The following SLCO3A1 variants were observed in gnomAD, a reference collection of about 807,000 sequenced individuals.
SLCO3A1 encodes the protein solute carrier organic anion transporter family member 3A1, also known as PGE1 transporter.
SLCO3A1 carries 27 observed loss-of-function variants against 63.1 expected under a neutral mutation model. The ratio of observed to expected loss-of-function variants is 0.43; its 90% CI spans 0.32 to 0.59. The LOEUF (loss-of-function observed/expected upper bound fraction) is 0.59. Among genes scored for constraint, SLCO3A1 ranks in the 20% least tolerant of loss-of-function variants. The pLI is 0.09. For synonymous variants in SLCO3A1, 473 were observed against 409.9 expected, an observed-to-expected ratio of 1.15 and a Z score of -1.86; for missense variants, 773 against 945.8, an observed-to-expected ratio of 0.82 and a Z score of 2.40.
rs138073930 is a variant in SLCO3A1 at position 92,040,489 on chromosome 15, T to A, written c.647-54392T>A. Among the ~76,000 whole-genome samples the A allele has an allele frequency of 2.1e-4, 32 of 152,302 alleles. No individual in the cohort carries two copies. The East Asian group carries it at 5.8e-3, about 28-fold the overall frequency. The stretch of plus-strand genomic sequence containing the variant: ...TCCCAGTGTGAAATGAGAGCAATCA[T>A]GTTATCTTCCCCAAGTTCCAGGCCC... On this transcript the variant is annotated intron_variant, in intron 2 of 9. Transcript: ENST00000318445.
intron 2 of SLCO3A1, among the ~76,000 whole-genome samples, chr15:91,987,950 A>G (rs2046075730): frequency 6.6e-6 from 1 of 152,072 alleles, no homozygotes; most frequent in African/African-American, 2.4e-5. Flanking sequence ...TTTGCCGGCA[A>G]AGGATTAAGG....
In SLCO3A1 at chr15:91,916,706, G is replaced by A. The variant is rs1002846159; in HGVS notation, c.646+248G>A. The stretch of plus-strand genomic sequence containing the variant: ...GGGCTAGACCACTAACACCGCTTCA[G>A]TGGGAAAACATGATCGGGAGGAGTT... On this transcript the variant is annotated intron_variant, in intron 2 of 9. Coordinates refer to ENST00000318445, the MANE Select transcript of SLCO3A1 (RefSeq NM_013272.4). This position sits in a 1 kb window ranked among gnomAD's most constrained non-coding sequence, Gnocchi z 6.2. Among the ~76,000 whole-genome samples, 2 of 152,238 alleles carry A rather than the reference G, an allele frequency of 1.3e-5. No individual in the cohort carries two copies. The highest frequency in any genetic ancestry group is 2.9e-5 in the Non-Finnish European group (2 of 68,040).
rs574004198 is a variant in SLCO3A1 at position 92,165,545 on chromosome 15, T to C, written c.*2410T>C. 1.6e-5 allele frequency: 16 copies of C among 984,222 alleles called. No homozygotes were observed. In the South Asian group the frequency reaches 7.5e-4, roughly 46 times the overall value. 61.0% of individuals were successfully genotyped at this position (984,222 alleles called of 1,614,324 possible). ...TTTTTTAAACTCTTTGCATTTTGGA[T>C]TTTTTTTCCTAAGATTTTAGGATGA... is the stretch of plus-strand genomic sequence containing the variant. On this transcript the variant is annotated 3_prime_UTR_variant, in exon 10 of 10. Transcript: ENST00000318445.
intron 2 of SLCO3A1, among the ~76,000 whole-genome samples, chr15:92,069,764 A>C (rs1036518721): frequency 6.6e-6 from 1 of 152,106 alleles, no homozygotes; most frequent in Admixed American, 6.5e-5. Context: ...TGCTGGGGAA[A>C]ATGATGAATG....
At chr15:91,887,349 A>G (rs1285294898) in intron 1 of SLCO3A1, among the ~76,000 whole-genome samples, 5 of 151,968 alleles carry the variant, frequency 3.3e-5, no homozygotes, top group African/African-American at 4.8e-5. Context: ...TGCCTGCCCA[A>G]TTCCTGCAAC....
chr15:92,150,141 C>G (rs745631186), intron 8 of SLCO3A1, among the ~76,000 whole-genome samples: 1 of 152,110 alleles, frequency 6.6e-6, no homozygotes, highest in Non-Finnish European at 1.5e-5. Flanking sequence ...AACTGAAGAA[C>G]TAGGAGTCCA....
chr15:92,164,536 G>T lies in SLCO3A1; in HGVS notation c.*1401G>T. The T allele has an allele frequency of 2.0e-6, 2 of 985,396 alleles. No homozygotes were observed. Among genetic ancestry groups the T allele is most frequent in the Non-Finnish European group, 1.2e-6 (1 of 829,934 alleles). 61.0% of individuals were successfully genotyped at this position (985,396 alleles called of 1,614,324 possible). ...AGGAGACACTCTTAGATGTGGGTTT[G>T]TGTGTATGGGTGCAACACTTCCGGG... is the stretch of plus-strand genomic sequence containing the variant. On this transcript the variant is annotated 3_prime_UTR_variant, in exon 10 of 10. Coordinates refer to ENST00000318445, the MANE Select transcript of SLCO3A1 (RefSeq NM_013272.4).
intron 1 of SLCO3A1, among the ~76,000 whole-genome samples, chr15:91,905,626 GTT>G (rs76429156): frequency 1.2e-4 from 13 of 112,524 alleles, no homozygotes; most frequent in East Asian, 7.2e-4. Flanking sequence ...GGGATGCTTA[GTT>G]TTTTGTTTTT....
intron 2 of SLCO3A1, among the ~76,000 whole-genome samples, chr15:91,985,294 A>G (rs954149244): frequency 9.9e-5 from 15 of 152,272 alleles, no homozygotes; most frequent in Admixed American, 5.2e-4. Context: ...ATGTTGTCAC[A>G]TGTAGTTGTA....
In SLCO3A1 at chr15:91,900,199, AC is replaced by A. The variant is rs1898116240; in HGVS notation, c.181-15793del. 6.6e-6 allele frequency among the ~76,000 whole-genome samples: 1 copy of A among 152,232 alleles called. No homozygotes were observed. On this transcript the variant is annotated intron_variant, in intron 1 of 9. Transcript: ENST00000318445. The surrounding 1 kb of genome is among the most constrained non-coding windows in gnomAD (Gnocchi z 4.3). ...GGGTCATGTGGTAAATTTATGCTTA[AC>A]TTTTTAAGAAGCTGTTCAACTGCTT...
At chr15:92,117,903 C>T (rs568706323) in intron 4 of SLCO3A1, among the ~76,000 whole-genome samples, 1 of 152,320 alleles carries the variant, frequency 6.6e-6, no homozygotes, top group Admixed American at 6.5e-5. Flanking sequence ...GTCAGGATTA[C>T]TCTAAATATT....
intron 2 of SLCO3A1, among the ~76,000 whole-genome samples, chr15:92,004,144 A>G (rs1273222126): frequency 6.6e-6 from 1 of 152,146 alleles, no homozygotes; most frequent in African/African-American, 2.4e-5. Context: ...CAGCTTTAAC[A>G]TGCTCCAGTC....
intron 2 of SLCO3A1, among the ~76,000 whole-genome samples, chr15:91,935,438 G>A (rs1899377028): frequency 6.6e-6 from 1 of 152,170 alleles, no homozygotes; most frequent in Non-Finnish European, 1.5e-5. Context: ...CAGGACCTGG[G>A]CTAGAGAAGA....
chr15:92,053,671 G>GT (rs149910611), intron 2 of SLCO3A1, among the ~76,000 whole-genome samples: 1 of 54,232 alleles, frequency 1.8e-5, no homozygotes, highest in African/African-American at 5.6e-5. Context: ...GTGATTTTAT[G>GT]TTTTGTTTTT....
At chr15:92,131,080 A>G (rs2047989688) in intron 7 of SLCO3A1, among the ~76,000 whole-genome samples, 1 of 152,006 alleles carries the variant, frequency 6.6e-6, no homozygotes, top group Non-Finnish European at 1.5e-5. Context: ...CCCTTGGGAA[A>G]TAGGTGTTCT....
chr15:92,147,274 C>A, intron 8 of SLCO3A1, 115 bp downstream of exon 8: 1 of 1,041,574 alleles, frequency 9.6e-7, no homozygotes. Context: ...TGAGCTAGGG[C>A]CACAGCAAGG....
chr15:91,909,968 T>C (rs1351116459), intron 1 of SLCO3A1, among the ~76,000 whole-genome samples: 2 of 152,304 alleles, frequency 1.3e-5, no homozygotes, highest in East Asian at 1.9e-4. Context: ...TGCACAGCAG[T>C]GCCAGGTTAA....
intron 2 of SLCO3A1, among the ~76,000 whole-genome samples, chr15:91,981,609 G>A (rs1017645687): frequency 6.6e-6 from 1 of 152,120 alleles, no homozygotes; most frequent in Middle Eastern, 3.2e-3. Flanking sequence ...ATCTAAACAA[G>A]GATTTTTTCG....
chr15:92,079,184 G>A (rs572669480), intron 2 of SLCO3A1, among the ~76,000 whole-genome samples: 42 of 152,296 alleles, frequency 2.8e-4, no homozygotes, highest in Non-Finnish European at 4.4e-5. Flanking sequence ...TGGGATGGCT[G>A]CATTCACGTT....
Sources: gnomAD v4.1 joint callset for allele counts (sites outside exome capture counted in the v4.1 genomes callset) on GRCh38, gnomAD v4.1.1 for gene constraint, Gnocchi (gnomAD v3.1) non-coding constraint, MANE v1.5 for transcripts, NCBI Gene and HGNC (gene_info 2026-07-23, HGNC 2026-07-21) for gene names.